UBXN2A: variants seen among roughly 807,000 people sequenced by gnomAD.
UBXN2A encodes UBX domain-containing protein 2A.
A neutral mutation model predicts 28.4 loss-of-function variants in UBXN2A; 28 were observed. The observed-to-expected ratio is 0.99, with a 90% CI of 0.73 to 1.35. The LOEUF is 1.35. Ranked by LOEUF, UBXN2A falls within the 40% of genes most tolerant of loss-of-function variation. The pLI is 0.00. For missense variants in UBXN2A, 253 were observed against 297.9 expected, an observed-to-expected ratio of 0.85 and a Z score of 1.11; for synonymous variants, 97 against 103.6, an observed-to-expected ratio of 0.94 and a Z score of 0.39.
upstream of UBXN2A, chr2:23,939,795 T>C (rs1185178336): frequency 6.6e-6 from 1 of 152,404 alleles, no homozygotes; most frequent in Non-Finnish European, 1.5e-5. Context: ...GAAGGGCGGT[T>C]GCGTGTAGTA....
intron 6 of UBXN2A, among the ~76,000 whole-genome samples, chr2:23,988,871 C>A (rs766801646): frequency 6.6e-6 from 1 of 152,154 alleles, no homozygotes; most frequent in Non-Finnish European, 1.5e-5. Context: ...GTTTGTGAGA[C>A]GTCCTTTAAA....
At chr2:23,946,407 G>A (rs886168125) in intron 1 of UBXN2A, among the ~76,000 whole-genome samples, 11 of 151,698 alleles carry the variant, frequency 7.3e-5, no homozygotes, top group Middle Eastern at 3.4e-3. Context: ...TGCAATGTCC[G>A]CCTCCTGGGT....
At chr2:23,930,511 G>T (rs1705335470) in intron 1 of UBXN2A, among the ~76,000 whole-genome samples, 1 of 152,178 alleles carries the variant, frequency 6.6e-6, no homozygotes, top group Non-Finnish European at 1.5e-5. Flanking sequence ...GAGAGGTAGT[G>T]ACCCCTGAGA....
At chr2:23,950,435 G>A (rs1451248966) in intron 1 of UBXN2A, among the ~76,000 whole-genome samples, 1 of 151,592 alleles carries the variant, frequency 6.6e-6, no homozygotes. Flanking sequence ...ACGGATTCTC[G>A]CTCTGTTGTC....
intron 2 of UBXN2A, among the ~76,000 whole-genome samples, chr2:23,963,141 A>G (rs34229697): frequency 0.18 from 28,119 of 152,082 alleles, 2,693 homozygotes; most frequent in Middle Eastern, 0.26. Flanking sequence ...ACCTCCCACC[A>G]GGTCCCTCCC....
chr2:23,978,400 T>C (rs1043533350), intron 4 of UBXN2A, among the ~76,000 whole-genome samples: 2 of 152,106 alleles, frequency 1.3e-5, no homozygotes, highest in African/African-American at 2.4e-5. Context: ...TCCCAGCACT[T>C]TGGGAGGCCG....
intron 4 of UBXN2A, among the ~76,000 whole-genome samples, 164 bp from the exon 5 acceptor site, chr2:23,982,732 T>C (rs1379772310): frequency 6.6e-6 from 1 of 152,230 alleles, no homozygotes; most frequent in Non-Finnish European, 1.5e-5. Context: ...TTGGTATTCA[T>C]ATTATTTAAC....
intron 2 of UBXN2A, among the ~76,000 whole-genome samples, chr2:23,961,649 G>A (rs1706921332): frequency 7.3e-6 from 1 of 136,624 alleles, no homozygotes; most frequent in Non-Finnish European, 1.5e-5. Context: ...CCAGGTTCAA[G>A]TGATTCTCCT....
At chr2:23,967,995 G>T (rs1356767524) in intron 2 of UBXN2A, among the ~76,000 whole-genome samples, 1 of 151,692 alleles carries the variant, frequency 6.6e-6, no homozygotes, top group Non-Finnish European at 1.5e-5. Flanking sequence ...AGTTAGTCAC[G>T]GCATTCTAGT....
chr2:23,930,880 A>C (rs966421921), intron 1 of UBXN2A, among the ~76,000 whole-genome samples: 1 of 151,584 alleles, frequency 6.6e-6, no homozygotes, highest in Non-Finnish European at 1.5e-5. Flanking sequence ...TTTAAAAAAA[A>C]AGGAGGCCAG....
At chr2:23,943,140 A>G (rs1321741765) in intron 1 of UBXN2A, among the ~76,000 whole-genome samples, 1 of 152,014 alleles carries the variant, frequency 6.6e-6, no homozygotes, top group Non-Finnish European at 1.5e-5. Flanking sequence ...TATTTTTGGT[A>G]GAGACGGGGT....
chr2:23,929,502 AG>A (rs1705307932), intron 1 of UBXN2A, among the ~76,000 whole-genome samples: 1 of 151,906 alleles, frequency 6.6e-6, no homozygotes, highest in Non-Finnish European at 1.5e-5. Context: ...ACTTGAGGTC[AG>A]GAGTTCGAGA....
chr2:23,991,406 T>C (rs1269396745), intron 6 of UBXN2A, among the ~76,000 whole-genome samples: 2 of 148,420 alleles, frequency 1.3e-5, no homozygotes, highest in African/African-American at 2.5e-5. Flanking sequence ...TTTTATTTTA[T>C]ACACACACAC....
At chr2:23,984,567 TCTTC>T in intron 5 of UBXN2A, 102 bp from the exon 6 acceptor site, 2 of 983,966 alleles carry the variant, frequency 2.0e-6, no homozygotes, top group Non-Finnish European at 2.7e-6. Context: ...ACTTAAAAAA[TCTTC>T]CTTAAAGTTA....
chr2:23,973,789 C>A (rs75217776), intron 3 of UBXN2A, among the ~76,000 whole-genome samples: 1 of 151,832 alleles, frequency 6.6e-6, no homozygotes, highest in Non-Finnish European at 1.5e-5. Flanking sequence ...TGCACCACCA[C>A]GCCTAGCTAA....
At chr2:23,972,827 A>C (rs1343981444) in intron 3 of UBXN2A, among the ~76,000 whole-genome samples, 1 of 152,124 alleles carries the variant, frequency 6.6e-6, no homozygotes, top group Non-Finnish European at 1.5e-5. Context: ...GTCTCAAAAT[A>C]AATAAATAAA....
intron 1 of UBXN2A, chr2:23,944,312 G>A: frequency 6.2e-7 from 1 of 1,604,548 alleles, no homozygotes; most frequent in Non-Finnish European, 8.5e-7. Context: ...TGGTTGTCCT[G>A]GTTCTTACTG....
intron 1 of UBXN2A, among the ~76,000 whole-genome samples, chr2:23,942,419 C>CT (rs759241567): frequency 0.37 from 36,569 of 97,964 alleles, 8,197 homozygotes; most frequent in East Asian, 0.62. Flanking sequence ...TGATGCAGGG[C>CT]TTTTTTTTTT....
chr2:23,938,032 T>C (rs1364145779), upstream of UBXN2A, among the ~76,000 whole-genome samples: 4 of 152,206 alleles, frequency 2.6e-5, no homozygotes. Flanking sequence ...TATAATCTTA[T>C]GTGACCACCA....
Sources: gnomAD v4.1 joint callset for allele counts (sites outside exome capture counted in the v4.1 genomes callset) on GRCh38, gnomAD v4.1.1 for gene constraint, MANE v1.5 for transcripts, NCBI Gene and HGNC (gene_info 2026-07-23, HGNC 2026-07-21) for gene names.